The following SCARB2 variants were observed in gnomAD, a reference collection of about 807,000 sequenced individuals.
The protein encoded by SCARB2 is lysosome membrane protein 2.
A neutral mutation model predicts 58.6 loss-of-function variants in SCARB2; 29 were observed. The ratio of observed to expected loss-of-function variants is 0.49; its 90% confidence interval spans 0.37 to 0.67. The LOEUF (loss-of-function observed/expected upper bound fraction) is 0.67, where lower values mean the gene tolerates loss of function less well. Ranked by LOEUF, SCARB2 falls within the 30% of genes least tolerant of loss-of-function variation. The pLI is 0.00. For missense variants in SCARB2, 488 were observed against 578.5 expected, an observed-to-expected ratio of 0.84 and a Z score of 1.60; for synonymous variants, 195 against 210.1, an observed-to-expected ratio of 0.93 and a Z score of 0.62.
At chr4:76,162,309 G>A (rs1164623264) in intron 11 of SCARB2, 1 of 154,518 alleles carries the variant, frequency 6.5e-6, no homozygotes, top group Non-Finnish European at 1.4e-5. Flanking sequence ...ATGGAAGTCA[G>A]GGAAATTCAG....
intron 1 of SCARB2, among the ~76,000 whole-genome samples, chr4:76,210,776 A>G (rs1733028347): frequency 6.6e-6 from 1 of 152,224 alleles, no homozygotes; most frequent in African/African-American, 2.4e-5. Flanking sequence ...GTCTCTCTTC[A>G]GTTACCTCTG....
chr4:76,196,242 A>T (rs1732710179), intron 1 of SCARB2, among the ~76,000 whole-genome samples: 1 of 152,242 alleles, frequency 6.6e-6, no homozygotes, highest in African/African-American at 2.4e-5. Context: ...AATCCTGGCT[A>T]GTCGGGAGGC....
upstream of SCARB2, among the ~76,000 whole-genome samples, chr4:76,217,995 T>C (rs1188500948): frequency 6.6e-6 from 1 of 152,254 alleles, no homozygotes; most frequent in African/African-American, 2.4e-5. Flanking sequence ...TTGTATACTT[T>C]TATGTTCAAA....
At chr4:76,198,839 T>TGA (rs201034693) in intron 1 of SCARB2, among the ~76,000 whole-genome samples, 2 of 128,636 alleles carry the variant, frequency 1.6e-5, no homozygotes, top group Admixed American at 7.4e-5. Flanking sequence ...GGAGAGTGAG[T>TGA]GAGTGTGTGT....
At chr4:76,187,231 G>A (rs1732504811) in intron 2 of SCARB2, among the ~76,000 whole-genome samples, 1 of 152,180 alleles carries the variant, frequency 6.6e-6, no homozygotes, top group Non-Finnish European at 1.5e-5. Flanking sequence ...TGATAGAAAT[G>A]TTGAAAAAGA....
rs1733461906 is a variant in SCARB2 at position 76,229,770 on chromosome 4, C to A, written c.-358+4533G>T. Among the ~76,000 whole-genome samples, 3 of 152,100 alleles carry A rather than the reference C, an allele frequency of 2.0e-5. No individual in the cohort carries two copies. The South Asian group carries it at 6.2e-4, about 32-fold the overall frequency. On this transcript the variant is annotated intron_variant, in intron 1 of 11. Coordinates refer to the SCARB2 transcript ENST00000638295. ...GAGTGAAGTAGACTCTGTGAGAGTC[C>A]TTGGTTGTAGATATGCTTAGTGTGC...
chr4:76,202,635 T>C (rs531774834), intron 1 of SCARB2, among the ~76,000 whole-genome samples: 252 of 152,286 alleles, frequency 1.7e-3, no homozygotes, highest in African/African-American at 2.8e-3. Context: ...CACAGAAAAT[T>C]TGGACAATGA....
At chr4:76,183,917 A>G (rs1402001295) in intron 2 of SCARB2, among the ~76,000 whole-genome samples, 2 of 152,198 alleles carry the variant, frequency 1.3e-5, no homozygotes, top group East Asian at 1.9e-4. Context: ...GACTAAATAT[A>G]TATTTCATCA....
chr4:76,200,160 C>G (rs747668503), intron 1 of SCARB2, among the ~76,000 whole-genome samples: 2 of 152,232 alleles, frequency 1.3e-5, no homozygotes, highest in Non-Finnish European at 2.9e-5. Context: ...TTGGGAACAA[C>G]TGATCTTCCT....
rs187570240 is a variant in SCARB2 at position 76,227,297 on chromosome 4, C to T, written c.-358+7006G>A. On this transcript the variant is annotated intron_variant, in intron 1 of 11. Transcript: ENST00000638295. The stretch of plus-strand genomic sequence containing the variant: ...TGTTGTTCCAAAGATCATTTAATGT[C>T]CAAAGATCATTCAGGAGTAGATTAT... Among the ~76,000 whole-genome samples the T allele has an allele frequency of 5.7e-3, 861 of 152,194 alleles. 6 individuals are homozygous for T. Among genetic ancestry groups the T allele is most frequent in the Admixed American group, 9.2e-3 (140 of 15,288 alleles).
At chr4:76,220,212 G>A (rs554409949) in intron 1 of SCARB2, among the ~76,000 whole-genome samples, 10 of 152,176 alleles carry the variant, frequency 6.6e-5, no homozygotes, top group Non-Finnish European at 1.2e-4. Flanking sequence ...GTAAACCAGT[G>A]TTCATAGCAG....
At chr4:76,217,747 C>A, upstream of SCARB2, 1 of 510,418 alleles carries the variant, frequency 2.0e-6, no homozygotes, top group Non-Finnish European at 3.6e-6. Flanking sequence ...GATGCTGTGG[C>A]AAGGAGATAC....
intron 5 of SCARB2, 78 bp downstream of exon 5, chr4:76,176,359 T>C: frequency 1.0e-6 from 1 of 983,402 alleles, no homozygotes. Flanking sequence ...TAAACACATT[T>C]TTAAGCAATG....
At chr4:76,195,042 G>GA (rs1732684633) in intron 2 of SCARB2, 1 of 152,206 alleles carries the variant, frequency 6.6e-6, no homozygotes, top group Admixed American at 6.5e-5. Context: ...GTGGGGAATG[G>GA]AAATGGAGGG....
At chr4:76,220,239 C>T (rs1288386807) in intron 1 of SCARB2, among the ~76,000 whole-genome samples, 1 of 152,114 alleles carries the variant, frequency 6.6e-6, no homozygotes, top group Admixed American at 6.5e-5. Context: ...TCACAATAGT[C>T]AAAAGGTGGA....
In SCARB2 at chr4:76,213,596, G is replaced by T; in HGVS notation, c.-53C>A. On this transcript the variant is annotated 5_prime_UTR_variant, in exon 1 of 12. Transcript: ENST00000264896. The stretch of plus-strand genomic sequence containing the variant: ...GGCCGCACCCGCCAGGGATCCAACT[G>T]CAAGGAGGGAGGAGCCGCCGCAGAG... 3.4e-6 allele frequency: 5 copies of T among 1,476,294 alleles called. No homozygotes were observed. Among genetic ancestry groups the T allele is most frequent in the Non-Finnish European group, 4.7e-6 (5 of 1,061,230 alleles). The allele number at this position is 1,476,294 out of a possible 1,614,324, so 91.4% of individuals were successfully genotyped here.
chr4:76,167,529 G>A (rs576763992), intron 9 of SCARB2, among the ~76,000 whole-genome samples: 1 of 152,090 alleles, frequency 6.6e-6, no homozygotes, highest in Non-Finnish European at 1.5e-5. Flanking sequence ...CTTCTGCCAT[G>A]AGCAAAAGCT....
chr4:76,180,496 T>C (rs964484858), intron 3 of SCARB2: 18 of 155,020 alleles, frequency 1.2e-4, no homozygotes, highest in African/African-American at 4.3e-4. Context: ...GAAATCACAG[T>C]AGGCTGCCAG....
intron 1 of SCARB2, among the ~76,000 whole-genome samples, chr4:76,232,618 A>G (rs10222966): frequency 0.12 from 18,466 of 152,190 alleles, 1,477 homozygotes; most frequent in East Asian, 0.41. Context: ...TGGAACATGT[A>G]TTAATATTAC....
Sources: allele counts gnomAD v4.1 joint callset (sites outside exome capture counted in the v4.1 genomes callset), GRCh38; gene constraint gnomAD v4.1.1; transcripts MANE v1.5; gene names NCBI Gene and HGNC (gene_info 2026-07-23, HGNC 2026-07-21).